The following SMARCA2 variants were observed in gnomAD, a reference collection of about 807,000 sequenced individuals.
SMARCA2 encodes the protein SWI/SNF-related matrix-associated actin-dependent regulator of chromatin subfamily A member 2.
A neutral mutation model predicts 199.8 loss-of-function variants in SMARCA2; 61 were observed. The observed-to-expected ratio is 0.31, with a 90% confidence interval of 0.25 to 0.38. The LOEUF is 0.38. Ranked by LOEUF, SMARCA2 falls within the 10% of genes least tolerant of loss-of-function variation. SMARCA2 has a pLI of 1.00. For missense variants in SMARCA2, 1,344 were observed against 2,012.2 expected, an observed-to-expected ratio of 0.67 and a Z score of 6.35; for synonymous variants, 935 against 732.0, an observed-to-expected ratio of 1.28 and a Z score of -4.48.
At chr9:2,189,181 G>C (rs1315744519) in intron 32 of SMARCA2, among the ~76,000 whole-genome samples, 1 of 152,196 alleles carries the variant, frequency 6.6e-6, no homozygotes. Flanking sequence ...TGGACATCTT[G>C]TGAGGAGATG....
intron 19 of SMARCA2, among the ~76,000 whole-genome samples, chr9:2,089,960 C>A (rs1007948198): frequency 2.6e-5 from 4 of 152,034 alleles, no homozygotes; most frequent in Admixed American, 2.0e-4. Flanking sequence ...TTCATTTATT[C>A]ATTCCATAAG....
In SMARCA2 at chr9:2,191,387, C is replaced by T. The variant is rs1395708134; in HGVS notation, c.4716C>T (p.Ser1572=). 6.2e-6 allele frequency: 10 copies of T among 1,613,962 alleles called. No homozygotes were observed. The highest frequency in any genetic ancestry group is 2.7e-5 in the African/African-American group (2 of 74,922). The change falls in exon 33 of 34, where the codon AGC becomes AGT. Residue 1572 remains serine (S), a synonymous_variant. Coordinates refer to ENST00000349721, the MANE Select transcript of SMARCA2 (RefSeq NM_003070.5). ...AACCTGTAGTGAGCGATTTTGACAGCGATGAGGAGCAGGATGAACGTGTAA... is the reference window on the plus strand; with the variant it reads ...AACCTGTAGTGAGCGATTTTGACAGTGATGAGGAGCAGGATGAACGTGTAA... ...KAKPVVSDFD[S]DEEQDEREQS...
At chr9:2,044,639 A>T (rs1294057820) in intron 4 of SMARCA2, 1 of 152,178 alleles carries the variant, frequency 6.6e-6, no homozygotes, top group African/African-American at 2.4e-5. Context: ...CATTCTATAG[A>T]TGAGGACACT....
chr9:2,110,219 G>T lies in SMARCA2; in HGVS notation c.3293-35G>T. ...CATTCTGTGCCATTTTCAGACAAGA[G>T]TTAATTGGCAAATTAATTTTTCTGA... On this transcript the variant is annotated intron_variant, in intron 23 of 33. Coordinates refer to ENST00000349721, the MANE Select transcript of SMARCA2 (RefSeq NM_003070.5). The surrounding 1 kb of genome is among the most constrained non-coding windows in gnomAD (Gnocchi z 4.8). The T allele has an allele frequency of 6.5e-7, 1 of 1,545,838 alleles. No individual in the cohort carries two copies.
At chr9:2,130,042 C>T (rs145301072) in intron 27 of SMARCA2, among the ~76,000 whole-genome samples, 93 of 152,118 alleles carry the variant, frequency 6.1e-4, no homozygotes, top group African/African-American at 1.7e-3. Context: ...TTTGTAGAGT[C>T]GGGGTTTTGC....
chr9:2,069,600 C>T (rs528829143), intron 9 of SMARCA2, among the ~76,000 whole-genome samples: 157 of 151,708 alleles, frequency 1.0e-3, no homozygotes, highest in African/African-American at 3.7e-3. Context: ...AATTCTTCAT[C>T]AGATAACAAT....
chr9:2,023,737 C>T (rs1818703748), intron 1 of SMARCA2, among the ~76,000 whole-genome samples: 1 of 152,164 alleles, frequency 6.6e-6, no homozygotes, highest in Admixed American at 6.5e-5. Context: ...ACTGCTTCCC[C>T]ATTAAGAATA....
rs77186546 is a variant in SMARCA2, at chr9:2,167,887, AAG to A, written c.4200-2529_4200-2528del. 0.011 allele frequency among the ~76,000 whole-genome samples: 1,599 copies of A among 152,226 alleles called. 65 individuals are homozygous for A. In the East Asian group the frequency reaches 0.13, roughly 12 times the overall value. On this transcript the variant is annotated intron_variant, in intron 28 of 33. Transcript: ENST00000349721. ...ATAGCTTTCCTATGGGATATTACTG[AAG>A]AGGTAGCTGGCCTGGGGAATTCAGG...
In SMARCA2 at chr9:2,020,270, C is replaced by T. The variant is rs201961821; in HGVS notation, c.-37+4866C>T. ...ATCTTCTAAATTGTTTTTTTTTCCC[C>T]CTTAAATATTGTGTTTTGGAGATGT... is the stretch of plus-strand genomic sequence containing the variant. On this transcript the variant is annotated intron_variant, in intron 1 of 33. Coordinates refer to ENST00000349721, the MANE Select transcript of SMARCA2 (RefSeq NM_003070.5). Among the ~76,000 whole-genome samples the T allele has an allele frequency of 9.9e-5, 15 of 151,652 alleles. No individual in the cohort carries two copies. The East Asian group carries it at 2.5e-3, about 25-fold the overall frequency.
At chr9:2,059,037 T>C (rs1187459522) in intron 8 of SMARCA2, among the ~76,000 whole-genome samples, 2 of 152,216 alleles carry the variant, frequency 1.3e-5, no homozygotes, top group African/African-American at 2.4e-5. Flanking sequence ...ATTATTACAT[T>C]TGCACTGTTA....
rs757266468 is a variant in SMARCA2, at chr9:2,077,692, C to G, written c.2100C>G (p.Ser700=). 1.2e-5 allele frequency: 20 copies of G among 1,613,878 alleles called. No individual in the cohort carries two copies. The African/African-American group carries it at 2.4e-4, about 19-fold the overall frequency. ...SMQYSARGSQ[S]YYTVAHAISE... is the part of the protein sequence containing the mutation. ...AGTACAGTGCCAGGGGCTCCCAGTC[C>G]TACTACACCGTGGCTCATGCCATCT... Residue 700 remains serine, a synonymous_variant, in exon 14 of 34, where the codon TCC becomes TCG. Transcript: ENST00000349721.
At chr9:2,158,712 T>G in intron 27 of SMARCA2, 1 of 409,314 alleles carries the variant, frequency 2.4e-6, no homozygotes, top group African/African-American at 2.0e-5. Context: ...TTGAGCCAGT[T>G]TAGTAAATAA....
intron 10 of SMARCA2, chr9:2,071,886 G>A (rs1434117449): frequency 6.6e-6 from 1 of 152,104 alleles, no homozygotes; most frequent in Admixed American, 6.5e-5. Flanking sequence ...AGGAAGAAGT[G>A]TCATGTTGGC....
In SMARCA2 at chr9:2,016,927, C is replaced by A. The variant is rs1180209746; in HGVS notation, c.-37+1523C>A. 6.6e-6 allele frequency among the ~76,000 whole-genome samples: 1 copy of A among 151,850 alleles called. No homozygotes were observed. The highest frequency in any genetic ancestry group is 2.4e-5 in the African/African-American group (1 of 41,366). On this transcript the variant is annotated intron_variant, in intron 1 of 33. Transcript: ENST00000349721. The surrounding 1 kb of genome is among the most constrained non-coding windows in gnomAD (Gnocchi z 5.6). ...CTAAATAACCGGTCCGGCGCGCCAG[C>A]CCCTCGGCGCCCTCCGGCCGCAGGG...
intron 4 of SMARCA2, chr9:2,045,863 C>G (rs1431180621): frequency 7.1e-6 from 1 of 140,488 alleles, no homozygotes; most frequent in African/African-American, 2.8e-5. Context: ...ACACACGACA[C>G]AAACACAGGC....
At chr9:2,075,034 A>T (rs1821263816) in intron 12 of SMARCA2, 1 of 152,332 alleles carries the variant, frequency 6.6e-6, no homozygotes, top group Admixed American at 6.5e-5. Flanking sequence ...GAGAGGGCAG[A>T]GATAAGATGA....
rs1171030691 is a variant in SMARCA2, at chr9:2,193,499, ATCTTTGCTT to A, written c.*768_*776del. ...TCTCCTTCTCCCTAAAGTGTACTTAATCTTTGCTTTCTTTGCACAATGTCTTTGGTTGCA... is the reference window on the plus strand; with the variant it reads ...TCTCCTTCTCCCTAAAGTGTACTTAATCTTTGCACAATGTCTTTGGTTGCA... On this transcript the variant is annotated 3_prime_UTR_variant, in exon 34 of 34. Coordinates refer to ENST00000349721, the MANE Select transcript of SMARCA2 (RefSeq NM_003070.5). 1 of 152,692 alleles carries A rather than the reference ATCTTTGCTT, an allele frequency of 6.5e-6. No homozygotes were observed. The allele number at this position is 152,692 out of a possible 1,614,324, so 9.5% of individuals were successfully genotyped here. A position where few individuals can be genotyped will look rare whatever the true frequency, so the allele number is the denominator to read the frequency against.
rs2130580318 is a variant in SMARCA2 at position 2,110,720 on chromosome 9, G to A, written c.3456+303G>A. ...TAATGAGGGATAAGTCAAAAATGTT[G>A]CAAAATCATAGCAGTAAGAACAATA... On this transcript the variant is annotated intron_variant, in intron 24 of 33. Transcript: ENST00000349721. The surrounding 1 kb of genome is among the most constrained non-coding windows in gnomAD (Gnocchi z 4.8). 6.6e-6 allele frequency among the ~76,000 whole-genome samples: 1 copy of A among 152,304 alleles called. No homozygotes were observed. The highest frequency in any genetic ancestry group is 2.1e-4 in the South Asian group (1 of 4,824).
chr9:2,132,527 T>C (rs1340516737), intron 27 of SMARCA2, among the ~76,000 whole-genome samples: 5 of 152,262 alleles, frequency 3.3e-5, no homozygotes, highest in African/African-American at 9.6e-5. Context: ...TGTTTTGTCA[T>C]TTAAAATCTT....
Sources: allele counts gnomAD v4.1 joint callset (sites outside exome capture counted in the v4.1 genomes callset), GRCh38; gene constraint gnomAD v4.1.1; non-coding constraint Gnocchi (gnomAD v3.1); transcripts MANE v1.5; gene names NCBI Gene and HGNC (gene_info 2026-07-23, HGNC 2026-07-21).